SLC39A11: variants seen among roughly 807,000 people sequenced by gnomAD.
SLC39A11 encodes solute carrier family 39 member 11.
Under a neutral mutation model 36.1 loss-of-function variants are expected in SLC39A11, and 33 were observed. That is an observed-to-expected ratio of 0.91 (90% CI 0.69 to 1.22). The LOEUF (loss-of-function observed/expected upper bound fraction) is 1.22, where lower values mean the gene tolerates loss of function less well. SLC39A11 is among the 50% of genes most tolerant of loss of function. The pLI is 0.00. For missense variants in SLC39A11, 432 were observed against 430.3 expected (o/e 1.00, Z -0.03); for synonymous variants, 166 against 170.3 (o/e 0.97, Z 0.20).
chr17:72,914,472 T>A lies in SLC39A11; in HGVS notation c.430+33280A>T, dbSNP rs964672126. Among the ~76,000 whole-genome samples, 3 of 152,110 alleles carry A rather than the reference T, an allele frequency of 2.0e-5. No individual in the cohort carries two copies. In the East Asian group the frequency reaches 5.8e-4, roughly 29 times the overall value. ...GAAAGAATATGGGAGGATGTGCATA[T>A]AGGTTATATGTAAATATGATGCCAT... is the stretch of plus-strand genomic sequence containing the variant. On this transcript the variant is annotated intron_variant, in intron 5 of 9. Transcript: ENST00000255559.
At chr17:73,015,833 C>G (rs553206507) in intron 4 of SLC39A11, among the ~76,000 whole-genome samples, 1 of 152,158 alleles carries the variant, frequency 6.6e-6, no homozygotes, top group Non-Finnish European at 1.5e-5. Context: ...CTGCCCGCTT[C>G]GGCCTTTTAA....
chr17:72,712,063 G>A (rs2073125026), intron 7 of SLC39A11, among the ~76,000 whole-genome samples: 1 of 152,242 alleles, frequency 6.6e-6, no homozygotes. Flanking sequence ...AAGGTCTGCT[G>A]GCAGAGGTGG....
At chr17:72,912,302 C>T (rs113777105) in intron 5 of SLC39A11, among the ~76,000 whole-genome samples, 1 of 151,410 alleles carries the variant, frequency 6.6e-6, no homozygotes, top group Admixed American at 6.6e-5. Context: ...GCAGTCCCCA[C>T]CAAGCAGGAG....
At position 72,840,734 on chromosome 17, in the gene SLC39A11, G is replaced by A. The variant is rs181933933; in HGVS notation, c.601+8900C>T. Among the ~76,000 whole-genome samples, 12 of 152,118 alleles carry A rather than the reference G, an allele frequency of 7.9e-5. No homozygotes were observed. In the East Asian group the frequency reaches 1.5e-3, roughly 20 times the overall value. ...ATCGCGCCACTGCACTCTACCCTGGGTGACAAGAGCGAGACTCCATCTCAA... is the reference window on the plus strand; with the variant it reads ...ATCGCGCCACTGCACTCTACCCTGGATGACAAGAGCGAGACTCCATCTCAA... On this transcript the variant is annotated intron_variant, in intron 6 of 9. Transcript: ENST00000255559.
intron 4 of SLC39A11, among the ~76,000 whole-genome samples, chr17:72,957,831 C>G (rs996592073): frequency 4.9e-5 from 7 of 141,512 alleles, no homozygotes; most frequent in Admixed American, 4.3e-4. Flanking sequence ...AAAAAAAAAA[C>G]AAACAAAAAT....
chr17:72,838,694 T>C (rs557845317), intron 6 of SLC39A11, among the ~76,000 whole-genome samples: 9 of 152,258 alleles, frequency 5.9e-5, no homozygotes, highest in African/African-American at 2.2e-4. Context: ...ATAAAGTTGC[T>C]TGAGAAAGAG....
At chr17:72,804,055 G>C (rs916521071) in intron 6 of SLC39A11, among the ~76,000 whole-genome samples, 1 of 152,126 alleles carries the variant, frequency 6.6e-6, no homozygotes, top group Non-Finnish European at 1.5e-5. Flanking sequence ...GAGTGCACTG[G>C]CGTGATCTCC....
chr17:72,647,029 G>T lies in SLC39A11; in HGVS notation c.*555C>A, dbSNP rs60081354. ...CCCCTCCCATGTAGTATCTCCTTAG[G>T]GGGAGGTAAAGGAAGACATGCTCCT... On this transcript the variant is annotated 3_prime_UTR_variant, in exon 10 of 10. Transcript: ENST00000255559. The T allele has an allele frequency of 1.3e-5, 2 of 151,846 alleles. 1 individual carries two copies. Among genetic ancestry groups the T allele is most frequent in the East Asian group, 3.9e-4 (2 of 5,194 alleles). 9.4% of individuals were successfully genotyped at this position (151,846 alleles called of 1,614,324 possible).
intron 3 of SLC39A11, among the ~76,000 whole-genome samples, chr17:73,067,588 C>T (rs2060033806): frequency 6.6e-6 from 1 of 151,978 alleles, no homozygotes; most frequent in South Asian, 2.1e-4. Flanking sequence ...TCTTAGTCTC[C>T]TTTTCAACCT....
intron 3 of SLC39A11, among the ~76,000 whole-genome samples, chr17:73,083,066 C>T (rs1327856809): frequency 2.0e-5 from 3 of 148,788 alleles, no homozygotes; most frequent in African/African-American, 7.5e-5. Context: ...AGAGACAAGG[C>T]CCTTCACTTT....
intron 6 of SLC39A11, among the ~76,000 whole-genome samples, chr17:72,786,707 T>C (rs1183387210): frequency 6.6e-6 from 1 of 152,090 alleles, no homozygotes; most frequent in Non-Finnish European, 1.5e-5. Context: ...CACATCTAGA[T>C]GGGTAATGAG....
intron 6 of SLC39A11, among the ~76,000 whole-genome samples, chr17:72,757,712 T>G (rs776607590): frequency 3.0e-4 from 45 of 151,924 alleles, no homozygotes; most frequent in Non-Finnish European, 5.6e-4. Flanking sequence ...ATGCGTCATT[T>G]CTCAGTCTGG....
intron 5 of SLC39A11, among the ~76,000 whole-genome samples, chr17:72,917,434 A>G (rs918469118): frequency 3.3e-5 from 5 of 152,164 alleles, no homozygotes; most frequent in African/African-American, 1.2e-4. Context: ...AAATCACTAG[A>G]GGGAAGAAGT....
chr17:72,673,613 A>T (rs528461862), intron 7 of SLC39A11, among the ~76,000 whole-genome samples: 1 of 152,200 alleles, frequency 6.6e-6, no homozygotes, highest in East Asian at 1.9e-4. Context: ...ACTGTTTTCC[A>T]AAGAGATTGG....
At chr17:73,074,368 G>T (rs951241552) in intron 3 of SLC39A11, among the ~76,000 whole-genome samples, 93 of 145,998 alleles carry the variant, frequency 6.4e-4, no homozygotes, top group African/African-American at 2.2e-3. Context: ...TGCAATCTTG[G>T]CTCACTGCAA....
At chr17:73,014,936 G>C (rs1393563028) in intron 4 of SLC39A11, among the ~76,000 whole-genome samples, 1 of 152,150 alleles carries the variant, frequency 6.6e-6, no homozygotes, top group Non-Finnish European at 1.5e-5. Flanking sequence ...CTGAGCCACT[G>C]GTTCATACTC....
chr17:72,655,918 T>C (rs1361753651), intron 7 of SLC39A11, among the ~76,000 whole-genome samples: 1 of 152,060 alleles, frequency 6.6e-6, no homozygotes. Context: ...TGGGAAACTG[T>C]GAAGAAGAAC....
At chr17:72,856,961 G>A (rs571714502) in intron 5 of SLC39A11, among the ~76,000 whole-genome samples, 10 of 152,322 alleles carry the variant, frequency 6.6e-5, no homozygotes, top group East Asian at 1.9e-4. Context: ...GATTACAGGC[G>A]TAAGCCACCA....
At chr17:72,897,245 G>A (rs1028804887) in intron 5 of SLC39A11, among the ~76,000 whole-genome samples, 1 of 152,072 alleles carries the variant, frequency 6.6e-6, no homozygotes, top group South Asian at 2.1e-4. Flanking sequence ...GTGACCTGCT[G>A]GACATCGGAG....
Sources: allele counts gnomAD v4.1 joint callset (sites outside exome capture counted in the v4.1 genomes callset), GRCh38; gene constraint gnomAD v4.1.1; transcripts MANE v1.5; gene names NCBI Gene and HGNC (gene_info 2026-07-23, HGNC 2026-07-21).